The following EEIG2 variants were observed in gnomAD, a reference collection of about 807,000 sequenced individuals.
The protein encoded by EEIG2 is family with sequence similarity 102 member B.
the EEIG2 span, among the ~76,000 whole-genome samples, chr1:108,609,206 A>G: frequency 6.6e-6 from 1 of 152,236 alleles, no homozygotes; most frequent in South Asian, 2.1e-4. Flanking sequence ...GTTTTATTCA[A>G]CAAATATGTA....
chr1:108,598,639 A>C, the EEIG2 span, among the ~76,000 whole-genome samples: 1 of 152,182 alleles, frequency 6.6e-6, no homozygotes, highest in African/African-American at 2.4e-5. Context: ...AAGGGTTCCT[A>C]AGGAAAAAAA....
chr1:108,627,697 A>G, the EEIG2 span: 1 of 158,256 alleles, frequency 6.3e-6, no homozygotes, highest in Non-Finnish European at 1.4e-5. Context: ...CTAACATTAA[A>G]GTAATAGAGT....
the EEIG2 span, among the ~76,000 whole-genome samples, chr1:108,562,405 A>G: frequency 6.6e-6 from 1 of 152,194 alleles, no homozygotes; most frequent in Non-Finnish European, 1.5e-5. Context: ...ACTTTGATCA[A>G]TTTGATTTTA....
chr1:108,560,627 G>A, the EEIG2 span: 14 of 1,567,662 alleles, frequency 8.9e-6, no homozygotes, highest in Admixed American at 1.1e-4. Flanking sequence ...TGGATGGGCA[G>A]CATCTCTCCT....
chr1:108,638,830 A>G, the EEIG2 span: 3 of 152,204 alleles, frequency 2.0e-5, no homozygotes, highest in African/African-American at 7.2e-5. Flanking sequence ...TACACATGCG[A>G]TTTTTGTAAG....
chr1:108,603,657 TATG>T, the EEIG2 span, among the ~76,000 whole-genome samples: 1 of 152,020 alleles, frequency 6.6e-6, no homozygotes, highest in Admixed American at 6.5e-5. Context: ...AAAGGAAAAA[TATG>T]ATAAGAAGAG....
the EEIG2 span, chr1:108,626,144 G>C: frequency 1.3e-5 from 2 of 151,976 alleles, no homozygotes; most frequent in African/African-American, 2.4e-5. Flanking sequence ...ACATATTGAT[G>C]TTCCAAAGGG....
chr1:108,607,767 A>G, the EEIG2 span, among the ~76,000 whole-genome samples: 1 of 152,052 alleles, frequency 6.6e-6, no homozygotes, highest in Non-Finnish European at 1.5e-5. Flanking sequence ...AGTCCTCTTG[A>G]TTTTTCCCCT....
the EEIG2 span, among the ~76,000 whole-genome samples, chr1:108,633,928 C>T: frequency 3.9e-5 from 6 of 152,176 alleles, no homozygotes; most frequent in African/African-American, 1.2e-4. Context: ...GTCTTCCTCT[C>T]TGCACTGCAG....
chr1:108,605,037 T>A, the EEIG2 span, among the ~76,000 whole-genome samples: 8 of 152,034 alleles, frequency 5.3e-5, no homozygotes, highest in African/African-American at 1.7e-4. Flanking sequence ...AGAGAGACCC[T>A]GTCTCTAAGA....
the EEIG2 span, among the ~76,000 whole-genome samples, chr1:108,571,406 A>G: frequency 6.6e-6 from 1 of 152,172 alleles, no homozygotes; most frequent in Non-Finnish European, 1.5e-5. Context: ...GACTAAGAGT[A>G]TGAGGGTTTG....
At chr1:108,569,162 G>T in the EEIG2 span, among the ~76,000 whole-genome samples, 9 of 152,190 alleles carry the variant, frequency 5.9e-5, no homozygotes, top group African/African-American at 1.7e-4. Flanking sequence ...GTTAAAGAAG[G>T]CATGTTTCTA....
the EEIG2 span, chr1:108,600,555 C>G: frequency 3.9e-5 from 62 of 1,600,276 alleles, 1 homozygote; most frequent in South Asian, 6.5e-4. Flanking sequence ...CTCTTTTTTT[C>G]TTTCCTTCAG....
the EEIG2 span, among the ~76,000 whole-genome samples, chr1:108,565,816 A>G: frequency 6.6e-6 from 1 of 152,228 alleles, no homozygotes; most frequent in Non-Finnish European, 1.5e-5. Flanking sequence ...AGTTCACTGC[A>G]CATTGTGTAT....
At chr1:108,618,259 G>A in the EEIG2 span, among the ~76,000 whole-genome samples, 9 of 152,274 alleles carry the variant, frequency 5.9e-5, no homozygotes, top group African/African-American at 1.7e-4. Flanking sequence ...GGCTACTGAC[G>A]CAGGTAGAGG....
the EEIG2 span, among the ~76,000 whole-genome samples, chr1:108,587,702 T>C: frequency 6.6e-6 from 1 of 152,190 alleles, no homozygotes; most frequent in Non-Finnish European, 1.5e-5. Context: ...ACCTTATCCG[T>C]AGGAAAATTT....
chr1:108,586,789 C>G, the EEIG2 span, among the ~76,000 whole-genome samples: 60 of 152,136 alleles, frequency 3.9e-4, no homozygotes, highest in African/African-American at 1.4e-3. Flanking sequence ...ATTTATTGAT[C>G]TGGAAACTGG....
the EEIG2 span, chr1:108,616,422 T>A: frequency 6.3e-7 from 1 of 1,592,748 alleles, no homozygotes; most frequent in East Asian, 2.2e-5. Flanking sequence ...GACCCATGTT[T>A]TAAAACGTAA....
At chr1:108,628,358 A>T in the EEIG2 span, 1 of 1,612,158 alleles carries the variant, frequency 6.2e-7, no homozygotes, top group South Asian at 1.1e-5. Flanking sequence ...AGAGTGTTTG[A>T]TATGAGTATT....
Sources: allele counts gnomAD v4.1 joint callset (sites outside exome capture counted in the v4.1 genomes callset), GRCh38; gene constraint gnomAD v4.1.1; transcripts MANE v1.5; gene names NCBI Gene and HGNC (gene_info 2026-07-23, HGNC 2026-07-21).